PGAP1: variants seen among roughly 807,000 people sequenced by gnomAD.
PGAP1 encodes post-GPI attachment to proteins inositol deacylase 1, also known as GPI inositol-deacylase.
PGAP1 carries 76 observed loss-of-function variants against 127.0 expected under a neutral mutation model. That is an observed-to-expected ratio of 0.60 (90% CI 0.50 to 0.72). PGAP1 has a LOEUF of 0.72. Among genes scored for constraint, PGAP1 ranks in the 30% least tolerant of loss-of-function variants. The pLI is 0.00. For missense variants in PGAP1, 982 were observed against 1,071.3 expected (o/e 0.92, Z 1.16); for synonymous variants, 362 against 366.5 (o/e 0.99, Z 0.14).
intron 11 of PGAP1, 104 bp from the exon 12 acceptor site, chr2:196,885,579 G>A (rs1464211131): frequency 9.5e-6 from 8 of 841,776 alleles, no homozygotes; most frequent in Admixed American, 7.4e-5. Flanking sequence ...ACACCTAGTA[G>A]AGATGTCTAT....
At chr2:196,853,960 G>A (rs1344255299) in intron 20 of PGAP1, among the ~76,000 whole-genome samples, 1 of 142,710 alleles carries the variant, frequency 7.0e-6, no homozygotes, top group Non-Finnish European at 1.5e-5. Context: ...GTACAATCAT[G>A]GTCCACTGTA....
intron 21 of PGAP1, 67 bp from the exon 22 acceptor site, chr2:196,847,267 G>T: frequency 1.7e-6 from 2 of 1,200,786 alleles, no homozygotes; most frequent in Non-Finnish European, 2.4e-6. Flanking sequence ...TAATATTTGA[G>T]GTGTCTGACT....
chr2:196,923,579 C>T (rs1028768775), intron 1 of PGAP1, among the ~76,000 whole-genome samples: 2 of 152,148 alleles, frequency 1.3e-5, no homozygotes, highest in Non-Finnish European at 2.9e-5. Context: ...ATATACCTGG[C>T]AAAGACTAGT....
chr2:196,889,109 A>G (rs1702015730), intron 10 of PGAP1, among the ~76,000 whole-genome samples: 1 of 152,222 alleles, frequency 6.6e-6, no homozygotes, highest in South Asian at 2.1e-4. Flanking sequence ...AAATACAGAA[A>G]AAAGATCCTC....
intron 19 of PGAP1, among the ~76,000 whole-genome samples, chr2:196,870,596 A>G (rs1174018762): frequency 6.6e-6 from 1 of 152,136 alleles, no homozygotes; most frequent in Non-Finnish European, 1.5e-5. Context: ...ATGGCAAACC[A>G]TGAAATTCAT....
In PGAP1 at chr2:196,926,663, T is replaced by C. The variant is rs926650822; in HGVS notation, c.-47A>G. On this transcript the variant is annotated 5_prime_UTR_variant, in exon 1 of 27. Transcript: ENST00000354764. ...GCCGCCGCCGCCCCCTCTACCTCCT[T>C]CTCCGCCGCGGGGCCCCAAGCCCGG... 2 of 1,611,058 alleles carry C rather than the reference T, an allele frequency of 1.2e-6. No individual in the cohort carries two copies. The highest frequency in any genetic ancestry group is 1.7e-6 in the Non-Finnish European group (2 of 1,178,830).
At chr2:196,896,173 T>C (rs1702261228) in intron 7 of PGAP1, among the ~76,000 whole-genome samples, 1 of 152,232 alleles carries the variant, frequency 6.6e-6, no homozygotes, top group African/African-American at 2.4e-5. Flanking sequence ...TTCCATATGT[T>C]CTGCTAATTG....
In PGAP1 at chr2:196,847,219, A is replaced by G. The variant is rs1198095689; in HGVS notation, c.1953-19T>C. The G allele has an allele frequency of 7.0e-6, 11 of 1,574,926 alleles. No homozygotes were observed. In the East Asian group the frequency reaches 2.2e-4, roughly 32 times the overall value. On this transcript the variant is annotated intron_variant, in intron 21 of 26. Coordinates refer to ENST00000354764, the MANE Select transcript of PGAP1 (RefSeq NM_024989.4). ...TTTATACCTGTGGAGAAAAGAAAAT[A>G]TAAAAGCAAAAAACCCAACAACTGA...
chr2:196,863,713 G>A (rs1345611003), intron 20 of PGAP1, among the ~76,000 whole-genome samples: 1 of 152,072 alleles, frequency 6.6e-6, no homozygotes, highest in Non-Finnish European at 1.5e-5. Context: ...GGACAGCTAG[G>A]ATTACAGGCG....
intron 21 of PGAP1, 102 bp downstream of exon 21, chr2:196,847,845 A>G: frequency 1.2e-6 from 1 of 845,968 alleles, no homozygotes; most frequent in Non-Finnish European, 1.7e-6. Flanking sequence ...GAAACAAGTC[A>G]ACTGCCAAAT....
rs35444896 is a variant in PGAP1, at chr2:196,912,997, A to C, written c.534T>G (p.Leu178=). 7,207 of 1,613,862 alleles carry C rather than the reference A, an allele frequency of 4.5e-3. 224 individuals are homozygous for C. The African/African-American group carries it at 0.076, about 17-fold the overall frequency. ...TCAGTGTAAGCAATGCTCTTGCAAC[A>C]AGGCCACCCATAGAATGACCAATTA... ...VAIIGHSMGG[L]VARALLTLKN... is the part of the protein sequence containing the mutation. Residue 178 remains leucine (L), a synonymous_variant, in exon 4 of 27, where the codon CTT becomes CTG. Coordinates refer to ENST00000354764, the MANE Select transcript of PGAP1 (RefSeq NM_024989.4).
At chr2:196,922,740 G>A (rs979679395) in intron 1 of PGAP1, 1 of 171,154 alleles carries the variant, frequency 5.8e-6, no homozygotes. Context: ...CAGTGCAGTG[G>A]CACAATCTCA....
chr2:196,885,294 T>G (rs1036979889), intron 12 of PGAP1, 130 bp downstream of exon 12: 1 of 556,134 alleles, frequency 1.8e-6, no homozygotes, highest in Admixed American at 3.1e-5. Flanking sequence ...AAATATTTTT[T>G]AAATGTAGGT....
rs770373173 is a variant in PGAP1 at position 196,841,377 on chromosome 2, A to G, written c.2631-5T>C. 1.1e-5 allele frequency: 17 copies of G among 1,609,108 alleles called. No individual in the cohort carries two copies. Among genetic ancestry groups the G allele is most frequent in the South Asian group, 8.8e-5 (8 of 90,508 alleles). On this transcript the variant is annotated splice_polypyrimidine_tract_variant and splice_region_variant and intron_variant, in intron 26 of 26. Coordinates refer to ENST00000354764, the MANE Select transcript of PGAP1 (RefSeq NM_024989.4). ...GAAGTAGTCTTCAACAATTTACTGT[A>G]AAGAGACAGAGAAATATACATTACT...
chr2:196,899,587 T>C (rs1702407395), intron 5 of PGAP1, among the ~76,000 whole-genome samples: 1 of 152,236 alleles, frequency 6.6e-6, no homozygotes, highest in African/African-American at 2.4e-5. Flanking sequence ...GTTTAATTAA[T>C]GCATGTGTGC....
At position 196,840,929 on chromosome 2, in the gene PGAP1, CTT is replaced by C. The variant is rs1431400680; in HGVS notation, c.*303_*304del. 1 of 222,226 alleles carries C rather than the reference CTT, an allele frequency of 4.5e-6. No individual in the cohort carries two copies. The highest frequency in any genetic ancestry group is 8.7e-6 in the Non-Finnish European group (1 of 114,600). 13.8% of individuals were successfully genotyped at this position (222,226 alleles called of 1,614,324 possible). A position where few individuals can be genotyped will look rare whatever the true frequency, so the allele number is the denominator to read the frequency against. On this transcript the variant is annotated 3_prime_UTR_variant, in exon 27 of 27. Transcript: ENST00000354764. The stretch of plus-strand genomic sequence containing the variant: ...CATCTACTAAATCTCTCATATCAGA[CTT>C]CTCGTACAGTTGATAAAACAGACTA...
chr2:196,862,146 T>A (rs1303779623), intron 20 of PGAP1, among the ~76,000 whole-genome samples: 1 of 151,922 alleles, frequency 6.6e-6, no homozygotes, highest in Non-Finnish European at 1.5e-5. Flanking sequence ...GGGAGAAATA[T>A]CACTGAATTC....
At chr2:196,885,383 T>C in intron 12 of PGAP1, 41 bp downstream of exon 12, 1 of 1,418,176 alleles carries the variant, frequency 7.1e-7, no homozygotes, top group Non-Finnish European at 9.8e-7. Context: ...ACTCAAGTAT[T>C]TTTTTCAACT....
At chr2:196,857,988 T>C (rs1160981866) in intron 20 of PGAP1, among the ~76,000 whole-genome samples, 1 of 152,162 alleles carries the variant, frequency 6.6e-6, no homozygotes, top group Non-Finnish European at 1.5e-5. Flanking sequence ...CAAATAAACA[T>C]CATTTTCCTT....
Sources: gnomAD v4.1 joint callset for allele counts (sites outside exome capture counted in the v4.1 genomes callset) on GRCh38, gnomAD v4.1.1 for gene constraint, MANE v1.5 for transcripts, NCBI Gene and HGNC (gene_info 2026-07-23, HGNC 2026-07-21) for gene names.